Variants in STX6 observed in about 807,000 individuals in gnomAD.
The protein encoded by STX6 is syntaxin 6, also known as syntaxin-6.
A neutral mutation model predicts 38.0 loss-of-function variants in STX6; 23 were observed. The ratio of observed to expected loss-of-function variants is 0.60; its 90% CI spans 0.43 to 0.86. STX6 has a LOEUF of 0.86. Ranked by LOEUF, STX6 falls within the 40% of genes least tolerant of loss-of-function variation. The pLI is 0.00. For synonymous variants in STX6, 123 were observed against 107.5 expected (o/e 1.14, Z -0.89); for missense variants, 274 against 312.9 (o/e 0.88, Z 0.94).
intron 1 of STX6, among the ~76,000 whole-genome samples, chr1:181,016,161 T>C (rs1313469219): frequency 6.6e-6 from 1 of 152,232 alleles, no homozygotes; most frequent in Non-Finnish European, 1.5e-5. Flanking sequence ...TGGCTGACTT[T>C]AGTATCAAGC....
At chr1:180,986,456 CACTT>C (rs1655587522) in intron 6 of STX6, among the ~76,000 whole-genome samples, 1 of 152,236 alleles carries the variant, frequency 6.6e-6, no homozygotes, top group South Asian at 2.1e-4. Flanking sequence ...GGCCACATAA[CACTT>C]ACTCAACAGC....
intron 6 of STX6, among the ~76,000 whole-genome samples, chr1:180,985,847 A>G (rs1364442762): frequency 6.6e-6 from 1 of 152,116 alleles, no homozygotes; most frequent in Non-Finnish European, 1.5e-5. Flanking sequence ...GCAGTTAGAA[A>G]CTCCTGGTCT....
rs1656776109 is a variant in STX6 at position 181,022,639 on chromosome 1, C to T, written c.35G>A (p.Gly12Glu). 1 of 1,610,176 alleles carries T rather than the reference C, an allele frequency of 6.2e-7. No homozygotes were observed. The highest frequency in any genetic ancestry group is 1.3e-5 in the African/African-American group (1 of 74,866). ...GGTGGAGCGCTCGGCCGACACTCAC[C>T]CTTTCACCACAAAGAAGGGGTCCTC... ...SMEDPFFVVK[G>E]EVQKAVNTAQ... The change falls in exon 1 of 8, where the codon GGA becomes GAA. Residue 12 changes from glycine to glutamate, a missense_variant and splice_region_variant. By Grantham distance (98) the Gly-to-Glu change is moderately conservative. Coordinates refer to ENST00000258301, the MANE Select transcript of STX6 (RefSeq NM_005819.6).
Position 180,976,451 on chromosome 1 carries a change from A to G in STX6, c.*119T>C. Reference sequence around the variant, plus strand: ...TTGTGGGGTCACACGGAGAAAAGTCAGTGCAGCAGTATGTTTCCAGGATAG... The same window carrying G: ...TTGTGGGGTCACACGGAGAAAAGTCGGTGCAGCAGTATGTTTCCAGGATAG... On this transcript the variant is annotated 3_prime_UTR_variant, in exon 8 of 8. Transcript: ENST00000258301. 1 of 882,964 alleles carries G rather than the reference A, an allele frequency of 1.1e-6. No individual in the cohort carries two copies. The highest frequency in any genetic ancestry group is 1.8e-6 in the Non-Finnish European group (1 of 543,684). 54.7% of individuals were successfully genotyped at this position (882,964 alleles called of 1,614,324 possible).
At chr1:180,988,791 G>A (rs1158805894) in intron 5 of STX6, 3 of 154,686 alleles carry the variant, frequency 1.9e-5, no homozygotes, top group African/African-American at 7.2e-5. Flanking sequence ...AAACTATGCA[G>A]TCTTTCCTCT....
At chr1:181,011,143 A>G (rs889400452) in intron 1 of STX6, among the ~76,000 whole-genome samples, 16 of 152,244 alleles carry the variant, frequency 1.1e-4, no homozygotes, top group African/African-American at 3.9e-4. Flanking sequence ...TATTTTTAAA[A>G]AGAGGATTCA....
chr1:180,998,696 G>A (rs1477564307), intron 3 of STX6, among the ~76,000 whole-genome samples: 3 of 152,198 alleles, frequency 2.0e-5, no homozygotes, highest in Non-Finnish European at 4.4e-5. Context: ...TCACTTCTAA[G>A]ATGGCACTTT....
In STX6 at chr1:180,976,241, C is replaced by T; in HGVS notation, c.*329G>A. 1 of 307,674 alleles carries T rather than the reference C, an allele frequency of 3.3e-6. No homozygotes were observed. Among genetic ancestry groups the T allele is most frequent in the East Asian group, 6.4e-5 (1 of 15,508 alleles). 19.1% of individuals were successfully genotyped at this position (307,674 alleles called of 1,614,324 possible). ...ATGCATGGAATGAGCAACAGCAAAA[C>T]ACCAGTGGAGTCTGTAAGTCCCTCC... On this transcript the variant is annotated 3_prime_UTR_variant, in exon 8 of 8. Transcript: ENST00000258301.
intron 1 of STX6, among the ~76,000 whole-genome samples, chr1:181,010,344 C>A (rs922224773): frequency 1.9e-4 from 29 of 152,144 alleles, no homozygotes; most frequent in African/African-American, 7.0e-4. Flanking sequence ...CTCTGTCACC[C>A]AGACTGGAGT....
Position 180,974,533 on chromosome 1 carries a change from G to A in STX6, c.*2037C>T, listed in dbSNP as rs146351738. On this transcript the variant is annotated 3_prime_UTR_variant, in exon 8 of 8. Transcript: ENST00000258301. ...CTGACACACATGATCCTTTTGTGTG[G>A]CACAATAAATCTGGTAATAGCAGAA... 6.5e-6 allele frequency: 1 copy of A among 152,716 alleles called. No individual in the cohort carries two copies. The highest frequency in any genetic ancestry group is 1.5e-5 in the Non-Finnish European group (1 of 68,028). The allele number at this position is 152,716 out of a possible 1,614,324, so 9.5% of individuals were successfully genotyped here.
intron 1 of STX6, among the ~76,000 whole-genome samples, chr1:181,011,053 T>C (rs1160346572): frequency 6.6e-6 from 1 of 152,116 alleles, no homozygotes; most frequent in Admixed American, 6.5e-5. Context: ...ATTAGAAAAA[T>C]GCTACAAAGC....
chr1:181,002,292 G>T (rs1656104085), intron 3 of STX6, among the ~76,000 whole-genome samples: 1 of 151,778 alleles, frequency 6.6e-6, no homozygotes. Context: ...TGAGACAACA[G>T]GTGTGCACCA....
At chr1:181,015,276 C>T (rs2102333018) in intron 1 of STX6, among the ~76,000 whole-genome samples, 1 of 152,348 alleles carries the variant, frequency 6.6e-6, no homozygotes, top group Non-Finnish European at 1.5e-5. Flanking sequence ...TAGGATCATT[C>T]CATTTGCCTA....
intron 2 of STX6, 122 bp from the exon 3 acceptor site, chr1:181,002,822 C>T (rs1384944406): frequency 4.7e-6 from 3 of 635,000 alleles, no homozygotes; most frequent in Non-Finnish European, 8.4e-6. Context: ...AAAACACAGT[C>T]AGCTGGACAC....
At chr1:180,989,615 G>C (rs1386548122) in intron 5 of STX6, among the ~76,000 whole-genome samples, 2 of 152,010 alleles carry the variant, frequency 1.3e-5, no homozygotes, top group Non-Finnish European at 2.9e-5. Context: ...AGAACTAACT[G>C]AGCTTGGTTC....
intron 4 of STX6, among the ~76,000 whole-genome samples, chr1:180,993,147 A>G (rs1655801451): frequency 6.6e-6 from 1 of 152,168 alleles, no homozygotes; most frequent in South Asian, 2.1e-4. Context: ...AGCCCAGAGA[A>G]GAAGACCAGA....
At position 180,976,322 on chromosome 1, in the gene STX6, C is replaced by CA. The variant is rs1303935887; in HGVS notation, c.*247dup. On this transcript the variant is annotated 3_prime_UTR_variant, in exon 8 of 8. Coordinates refer to ENST00000258301, the MANE Select transcript of STX6 (RefSeq NM_005819.6). ...GCAGCTAGTTCTCCTCCGAACTGGA[C>CA]AGGCGGCATGGGGCTTCTGTTGTCC... The CA allele has an allele frequency of 1.6e-5, 8 of 488,964 alleles. No homozygotes were observed. Among genetic ancestry groups the CA allele is most frequent in the African/African-American group, 1.5e-4 (8 of 51,634 alleles). 30.3% of individuals were successfully genotyped at this position (488,964 alleles called of 1,614,324 possible). A position where few individuals can be genotyped will look rare whatever the true frequency, so the allele number is the denominator to read the frequency against.
At chr1:180,992,069 A>C (rs1304294565) in intron 4 of STX6, among the ~76,000 whole-genome samples, 1 of 151,942 alleles carries the variant, frequency 6.6e-6, no homozygotes, top group Non-Finnish European at 1.5e-5. Flanking sequence ...TGTCACAACT[A>C]CTTCAGTTAC....
chr1:180,989,568 T>C (rs376910696), intron 5 of STX6, among the ~76,000 whole-genome samples: 46 of 152,180 alleles, frequency 3.0e-4, no homozygotes, highest in African/African-American at 1.0e-3. Flanking sequence ...TCTGAAAGTG[T>C]CTTTGCTGAG....
Sources: gnomAD v4.1 joint callset for allele counts (sites outside exome capture counted in the v4.1 genomes callset) on GRCh38, gnomAD v4.1.1 for gene constraint, MANE v1.5 for transcripts, NCBI Gene and HGNC (gene_info 2026-07-23, HGNC 2026-07-21) for gene names.